STEAP3: variants seen among roughly 807,000 people sequenced by gnomAD.
The protein encoded by STEAP3 is STEAP3 metalloreductase, also known as metalloreductase STEAP3.
A neutral mutation model predicts 34.9 loss-of-function variants in STEAP3; 35 were observed. The ratio of observed to expected loss-of-function variants is 1.00; its 90% CI spans 0.76 to 1.33. The LOEUF (loss-of-function observed/expected upper bound fraction) is 1.33, where lower values mean the gene tolerates loss of function less well. STEAP3 is among the 40% of genes most tolerant of loss of function. The probability of loss-of-function intolerance (pLI) is 0.00; values close to 1 mark genes in which losing one functional copy is unlikely to be tolerated. For missense variants in STEAP3, 652 were observed against 667.6 expected, an observed-to-expected ratio of 0.98 and a Z score of 0.26; for synonymous variants, 281 against 301.6, an observed-to-expected ratio of 0.93 and a Z score of 0.71.
intron 3 of STEAP3, 186 bp downstream of exon 3, chr2:119,246,174 C>G (rs1011463776): frequency 1.2e-6 from 1 of 850,118 alleles, no homozygotes; most frequent in African/African-American, 1.7e-5. Context: ...AATTCCATAG[C>G]TGGTAAGTTG....
At position 119,234,802 on chromosome 2, in the gene STEAP3, G is replaced by A. The variant is rs114656885; in HGVS notation, c.22+3768G>A. ...AAAGTTGTGCAGCATAGGGACCCTA[G>A]GGCTTGAGCATGCCCCACCCGCCTC... On this transcript the variant is annotated intron_variant, in intron 2 of 5. Transcript: ENST00000393110. 4.9e-3 allele frequency among the ~76,000 whole-genome samples: 744 copies of A among 152,298 alleles called. 4 individuals are homozygous for A. The highest frequency in any genetic ancestry group is 0.017 in the African/African-American group (694 of 41,550).
At chr2:119,260,100 C>T (rs1208514234) in intron 5 of STEAP3, among the ~76,000 whole-genome samples, 1 of 152,160 alleles carries the variant, frequency 6.6e-6, no homozygotes, top group African/African-American at 2.4e-5. Context: ...TACCCAAGCT[C>T]CCCGGGTGAT....
chr2:119,258,774 ATTTT>A (rs57860527), intron 5 of STEAP3, among the ~76,000 whole-genome samples: 104 of 121,034 alleles, frequency 8.6e-4, no homozygotes, highest in African/African-American at 3.1e-3. Context: ...CACCTGGCTA[ATTTT>A]TTTTTTTTTT....
chr2:119,242,335 G>A (rs1353243516), intron 2 of STEAP3, among the ~76,000 whole-genome samples: 1 of 152,220 alleles, frequency 6.6e-6, no homozygotes, highest in Non-Finnish European at 1.5e-5. Flanking sequence ...GTGTCTCCCT[G>A]TGGTTGGGGA....
chr2:119,252,228 CT>C (rs1389270930), intron 4 of STEAP3, among the ~76,000 whole-genome samples: 2 of 152,234 alleles, frequency 1.3e-5, no homozygotes, highest in Non-Finnish European at 2.9e-5. Context: ...AAACGTAATG[CT>C]TTTAGTCCTG....
chr2:119,225,646 G>A (rs1483794291), intron 1 of STEAP3, among the ~76,000 whole-genome samples: 1 of 152,248 alleles, frequency 6.6e-6, no homozygotes, highest in African/African-American at 2.4e-5. Context: ...GGCTTCAGGT[G>A]GTTAAAAAGT....
Position 119,245,539 on chromosome 2 carries a change from G to A in STEAP3, c.73G>A (p.Val25Met), listed in dbSNP as rs752599668. The change falls in exon 3 of 6, where the codon GTG (valine) becomes ATG (methionine). Residue 25 changes from valine to methionine, a missense_variant. By Grantham distance (21) the Val-to-Met change is conservative. Coordinates refer to ENST00000393110, the MANE Select transcript of STEAP3 (RefSeq NM_182915.3). The stretch of plus-strand genomic sequence containing the variant: ...CAAGCCACTGATCAGCCTCCACCTG[G>A]TGGACAGCGATAGTAGCCTTGCCAA... ...MDKPLISLHL[V>M]DSDSSLAKVP... 1.3e-6 allele frequency: 2 copies of A among 1,599,956 alleles called. No homozygotes were observed. Among genetic ancestry groups the A allele is most frequent in the Admixed American group, 1.7e-5 (1 of 59,786 alleles).
At chr2:119,231,112 A>AC in intron 2 of STEAP3, 78 bp downstream of exon 2, 5 of 1,592,460 alleles carry the variant, frequency 3.1e-6, no homozygotes, top group Middle Eastern at 3.3e-4. Flanking sequence ...TCACCACCTG[A>AC]CCCCTGCCCT....
chr2:119,248,265 C>G (rs1330411140), intron 4 of STEAP3, 59 bp downstream of exon 4: 1 of 400,162 alleles, frequency 2.5e-6, no homozygotes, highest in East Asian at 6.0e-5. Flanking sequence ...TCCAGCACCT[C>G]CCCCCCCCAC....
Position 119,263,403 on chromosome 2 carries a change from T to C in STEAP3, c.*65T>C. 2.6e-6 allele frequency: 4 copies of C among 1,559,842 alleles called. No homozygotes were observed. Among genetic ancestry groups the C allele is most frequent in the Non-Finnish European group, 2.6e-6 (3 of 1,153,982 alleles). On this transcript the variant is annotated 3_prime_UTR_variant, in exon 6 of 6. Coordinates refer to ENST00000393110, the MANE Select transcript of STEAP3 (RefSeq NM_182915.3). ...ACGGTGCCCTGAGCCCGTTAGGTTT[T>C]CTTTTCTTGGTGGTGCAAAGTGGTA...
chr2:119,253,244 G>C (rs1425901880), intron 4 of STEAP3, among the ~76,000 whole-genome samples: 3 of 152,180 alleles, frequency 2.0e-5, no homozygotes, highest in African/African-American at 7.2e-5. Context: ...AGGACAAGAG[G>C]CTGGGTCCCT....
Position 119,264,171 on chromosome 2 carries a change from C to G in STEAP3, c.*833C>G, listed in dbSNP as rs923649479. ...AACCTGGCGATGAGCGTCCTTTAAA[C>G]CACTGTGCCTTCTCACCCTTTCCAT... On this transcript the variant is annotated 3_prime_UTR_variant, in exon 6 of 6. Transcript: ENST00000393110. 2.6e-5 allele frequency: 4 copies of G among 153,136 alleles called. No individual in the cohort carries two copies. The highest frequency in any genetic ancestry group is 9.7e-5 in the African/African-American group (4 of 41,438). 9.5% of individuals were successfully genotyped at this position (153,136 alleles called of 1,614,324 possible).
chr2:119,235,158 C>T (rs1041843325), intron 2 of STEAP3, among the ~76,000 whole-genome samples: 1 of 152,238 alleles, frequency 6.6e-6, no homozygotes, highest in African/African-American at 2.4e-5. Context: ...TAATGACCCA[C>T]ATGTAGCCAG....
chr2:119,254,756 G>A lies in STEAP3; in HGVS notation c.1123G>A (p.Val375Met), dbSNP rs1224749109. The change falls in exon 5 of 6, where the codon GTG becomes ATG. Residue 375 changes from valine (V) to methionine (M), a missense_variant. By Grantham distance (21) the Val-to-Met change is conservative. Transcript: ENST00000393110. ...WRMEIYLSLG[V>M]LALGTLSLLA... ...GATGGAGATCTACCTCTCCCTGGGA[G>A]TGCTGGCCCTCGGCACGTTGTCCCT... The A allele has an allele frequency of 6.2e-7, 1 of 1,614,172 alleles. No individual in the cohort carries two copies. The highest frequency in any genetic ancestry group is 8.5e-7 in the Non-Finnish European group (1 of 1,180,034).
At chr2:119,239,889 C>T (rs7567193) in intron 2 of STEAP3, among the ~76,000 whole-genome samples, 12,451 of 152,242 alleles carry the variant, frequency 0.082, 783 homozygotes, top group African/African-American at 0.17. Context: ...CATTTGTTTA[C>T]ATATTACTTA....
chr2:119,239,596 A>G (rs1053794731), intron 2 of STEAP3, among the ~76,000 whole-genome samples: 1 of 152,152 alleles, frequency 6.6e-6, no homozygotes, highest in African/African-American at 2.4e-5. Context: ...ACTCTGGGCT[A>G]TCTTGGGCCC....
Position 119,235,414 on chromosome 2 carries a change from G to T in STEAP3, c.22+4380G>T, listed in dbSNP as rs1677066958. Among the ~76,000 whole-genome samples the T allele has an allele frequency of 2.0e-5, 3 of 151,988 alleles. No homozygotes were observed. The South Asian group carries it at 6.2e-4, about 32-fold the overall frequency. Reference sequence around the variant, plus strand: ...GAGCTGGGCCAACTGTAAAGACCCAGGGAAAAAAAAAGTCAAAACTGAGTT... The same window carrying T: ...GAGCTGGGCCAACTGTAAAGACCCATGGAAAAAAAAAGTCAAAACTGAGTT... On this transcript the variant is annotated intron_variant, in intron 2 of 5. Coordinates refer to ENST00000393110, the MANE Select transcript of STEAP3 (RefSeq NM_182915.3).
At position 119,263,076 on chromosome 2, in the gene STEAP3, C is replaced by A; in HGVS notation, c.1235C>A (p.Ala412Asp). The A allele has an allele frequency of 1.9e-6, 3 of 1,607,482 alleles. No homozygotes were observed. Among genetic ancestry groups the A allele is most frequent in the East Asian group, 4.5e-5 (2 of 44,878 alleles). Residue 412 changes from alanine (A) to aspartate (D), a missense_variant, in exon 6 of 6, where the codon GCC (alanine) becomes GAC (aspartate). Transcript: ENST00000393110. ...SFVQSSLGFV[A>D]LVLSTLHTLT... ...CCACAGTCCTCACTGGGCTTTGTGGCCCTCGTGCTGAGCACACTGCACACG... is the reference window on the plus strand; with the variant it reads ...CCACAGTCCTCACTGGGCTTTGTGGACCTCGTGCTGAGCACACTGCACACG...
At chr2:119,249,338 G>A (rs1040423141) in intron 4 of STEAP3, among the ~76,000 whole-genome samples, 13 of 152,162 alleles carry the variant, frequency 8.5e-5, no homozygotes, top group African/African-American at 3.1e-4. Context: ...CTCCCTCCTG[G>A]TCCACAAGCT....
Sources: allele counts gnomAD v4.1 joint callset (sites outside exome capture counted in the v4.1 genomes callset), GRCh38; gene constraint gnomAD v4.1.1; transcripts MANE v1.5; gene names NCBI Gene and HGNC (gene_info 2026-07-23, HGNC 2026-07-21).